The following PRELID2 variants were observed in gnomAD, a reference collection of about 807,000 sequenced individuals.
The protein encoded by PRELID2 is PRELI domain containing 2, also known as PRELI domain-containing protein 2.
Under a neutral mutation model 28.4 loss-of-function variants are expected in PRELID2, and 25 were observed. That is an observed-to-expected ratio of 0.88 (90% CI 0.64 to 1.23). PRELID2 has a LOEUF of 1.23. Ranked by LOEUF, PRELID2 falls within the 50% of genes most tolerant of loss-of-function variation. The pLI, the probability that PRELID2 is intolerant of heterozygous loss-of-function variation, is 0.00. For missense variants in PRELID2, 201 were observed against 214.4 expected, an observed-to-expected ratio of 0.94 and a Z score of 0.39; for synonymous variants, 76 against 71.6, an observed-to-expected ratio of 1.06 and a Z score of -0.31.
chr5:145,523,076 T>A lies in PRELID2; in HGVS notation n.71-49761A>T, dbSNP rs115327726. On this transcript the variant is annotated intron_variant and non_coding_transcript_variant, in intron 1 of 2. Coordinates refer to the PRELID2 transcript ENST00000510259. ...AGCCATCTTAATATTAAGACATGGATCCTTGTAGTTGGGGTAAAATTTCTA... is the reference window on the plus strand; with the variant it reads ...AGCCATCTTAATATTAAGACATGGAACCTTGTAGTTGGGGTAAAATTTCTA... Among the ~76,000 whole-genome samples, 1,430 of 152,250 alleles carry A rather than the reference T, an allele frequency of 9.4e-3. 7 individuals carry two copies. The highest frequency in any genetic ancestry group is 0.014 in the African/African-American group (574 of 41,554).
chr5:145,306,790 G>A, the PRELID2 span, among the ~76,000 whole-genome samples: 1 of 151,818 alleles, frequency 6.6e-6, no homozygotes, highest in Non-Finnish European at 1.5e-5. Context: ...AATACTTATT[G>A]AAACATCACC....
chr5:145,631,401 G>A (rs987574626), intron 1 of PRELID2, among the ~76,000 whole-genome samples: 7 of 152,148 alleles, frequency 4.6e-5, no homozygotes, highest in African/African-American at 1.4e-4. Flanking sequence ...TATAAGCCAT[G>A]TGACCCTGGA....
At chr5:145,345,269 C>CA in the PRELID2 span, among the ~76,000 whole-genome samples, 2 of 151,950 alleles carry the variant, frequency 1.3e-5, no homozygotes, top group African/African-American at 2.4e-5. Context: ...GGGAATAGGA[C>CA]AGCCCCTCTC....
At chr5:145,520,768 G>A (rs998366730) in intron 1 of PRELID2, among the ~76,000 whole-genome samples, 10 of 152,080 alleles carry the variant, frequency 6.6e-5, no homozygotes, top group African/African-American at 2.2e-4. Flanking sequence ...ACCTCAAGCA[G>A]ACAAGGATTG....
intron 1 of PRELID2, among the ~76,000 whole-genome samples, chr5:145,828,280 A>C (rs1037570414): frequency 6.6e-6 from 1 of 152,232 alleles, no homozygotes; most frequent in Non-Finnish European, 1.5e-5. Context: ...GCACTGTGCA[A>C]GTAGAAAATA....
At chr5:145,378,733 C>T in the PRELID2 span, among the ~76,000 whole-genome samples, 1 of 152,176 alleles carries the variant, frequency 6.6e-6, no homozygotes, top group Non-Finnish European at 1.5e-5. Context: ...TTCCAAGGTA[C>T]TCCTGTAATT....
chr5:145,453,449 C>G, the PRELID2 span, among the ~76,000 whole-genome samples: 2 of 152,102 alleles, frequency 1.3e-5, no homozygotes, highest in Non-Finnish European at 1.5e-5. Flanking sequence ...TCCCATTGCT[C>G]TTTTTTATTT....
At chr5:145,574,108 C>G (rs530988531) in intron 1 of PRELID2, among the ~76,000 whole-genome samples, 2 of 152,240 alleles carry the variant, frequency 1.3e-5, no homozygotes, top group East Asian at 3.9e-4. Context: ...GGATCCTAAA[C>G]AGTGGAACAG....
chr5:145,619,356 G>C (rs1365752847), intron 1 of PRELID2, among the ~76,000 whole-genome samples: 1 of 152,228 alleles, frequency 6.6e-6, no homozygotes, highest in Non-Finnish European at 1.5e-5. Context: ...TGGGGACGCA[G>C]GAAGCTCCCA....
At chr5:145,355,919 ATAAT>A in the PRELID2 span, among the ~76,000 whole-genome samples, 1 of 152,282 alleles carries the variant, frequency 6.6e-6, no homozygotes, top group Non-Finnish European at 1.5e-5. Flanking sequence ...TTATTAACAA[ATAAT>A]TAATAATTAT....
In PRELID2 at chr5:145,574,767, C is replaced by T. The variant is rs1361857730; in HGVS notation, n.71-101452G>A. ...CCCTTATATAAAATGCTGTCACATT[C>T]GCATATAACCTGTGTATATCCTCCT... On this transcript the variant is annotated intron_variant and non_coding_transcript_variant, in intron 1 of 2. Transcript: ENST00000510259. Among the ~76,000 whole-genome samples, 6 of 152,136 alleles carry T rather than the reference C, an allele frequency of 3.9e-5. No individual in the cohort carries two copies. The South Asian group carries it at 6.2e-4, about 16-fold the overall frequency.
At chr5:145,647,169 G>GT (rs1207401642) in intron 1 of PRELID2, among the ~76,000 whole-genome samples, 2 of 152,190 alleles carry the variant, frequency 1.3e-5, no homozygotes, top group African/African-American at 4.8e-5. Context: ...GGTTTTATCT[G>GT]TAAGTGCCGA....
chr5:145,292,669 A>T, the PRELID2 span, among the ~76,000 whole-genome samples: 1 of 152,110 alleles, frequency 6.6e-6, no homozygotes, highest in Non-Finnish European at 1.5e-5. Context: ...AAGAACATAA[A>T]AAACAGTGTT....
In PRELID2 at chr5:145,666,600, C is replaced by T. The variant is rs148826265; in HGVS notation, n.70+98331G>A. ...TCACTCATAGTACCCTGTGGCACAG[C>T]GCTCAAGGACAATAGAAGGACAAGC... On this transcript the variant is annotated intron_variant and non_coding_transcript_variant, in intron 1 of 2. Transcript: ENST00000510259. Among the ~76,000 whole-genome samples, 70 of 152,186 alleles carry T rather than the reference C, an allele frequency of 4.6e-4. No homozygotes were observed. The East Asian group carries it at 0.012, about 26-fold the overall frequency.
intron 1 of PRELID2, among the ~76,000 whole-genome samples, chr5:145,514,863 C>T (rs544569049): frequency 1.3e-4 from 20 of 152,246 alleles, no homozygotes; most frequent in South Asian, 1.2e-3. Flanking sequence ...CACTCAAAAC[C>T]GCACAACTAC....
intron 1 of PRELID2, among the ~76,000 whole-genome samples, chr5:145,596,225 A>G (rs1409122940): frequency 6.6e-6 from 1 of 152,134 alleles, no homozygotes; most frequent in Non-Finnish European, 1.5e-5. Flanking sequence ...CAAAAGATTT[A>G]AATTACTTAA....
At chr5:145,799,508 C>T (rs1290522871) in intron 4 of PRELID2, among the ~76,000 whole-genome samples, 1 of 152,066 alleles carries the variant, frequency 6.6e-6, no homozygotes, top group Non-Finnish European at 1.5e-5. Flanking sequence ...AAAAGGCACA[C>T]AGGCAAGTGG....
At chr5:145,547,886 C>G (rs898588054) in intron 1 of PRELID2, among the ~76,000 whole-genome samples, 1 of 152,120 alleles carries the variant, frequency 6.6e-6, no homozygotes, top group Non-Finnish European at 1.5e-5. Context: ...TTTTCTTTTT[C>G]AAGACCCTGG....
the PRELID2 span, among the ~76,000 whole-genome samples, chr5:145,310,356 G>A: frequency 6.6e-6 from 1 of 152,164 alleles, no homozygotes; most frequent in African/African-American, 2.4e-5. Flanking sequence ...TGAGTTTTCA[G>A]GGATAACAAT....
Sources: allele counts gnomAD v4.1 joint callset (sites outside exome capture counted in the v4.1 genomes callset), GRCh38; gene constraint gnomAD v4.1.1; transcripts MANE v1.5; gene names NCBI Gene and HGNC (gene_info 2026-07-23, HGNC 2026-07-21).